Variants in INKA2 observed in about 807,000 individuals in gnomAD.
The protein encoded by INKA2 is inka box actin regulator 2, also known as PAK4-inhibitor INKA2.
In INKA2, 3 loss-of-function variants were observed where a neutral mutation model predicts 9.8. The ratio of observed to expected loss-of-function variants is 0.31; its 90% CI spans 0.14 to 0.79. The LOEUF (loss-of-function observed/expected upper bound fraction) is 0.79, where lower values mean the gene tolerates loss of function less well. Ranked by LOEUF, INKA2 falls within the 30% of genes least tolerant of loss-of-function variation. The pLI, the probability that INKA2 is intolerant of heterozygous loss-of-function variation, is 0.62. For synonymous variants in INKA2, 147 were observed against 143.3 expected (o/e 1.03, Z -0.18); for missense variants, 392 against 384.4 (o/e 1.02, Z -0.17).
chr1:111,752,098 C>T (rs1340015975), intron 1 of INKA2, among the ~76,000 whole-genome samples: 1 of 152,198 alleles, frequency 6.6e-6, no homozygotes, highest in Non-Finnish European at 1.5e-5. Context: ...CTTCCTCCTT[C>T]CTGCTGGCTG....
rs1258844703 is a variant in INKA2 at position 111,726,462 on chromosome 1, CCCTGTG to C, written c.*500_*505del. On this transcript the variant is annotated 3_prime_UTR_variant, in exon 2 of 2. Transcript: ENST00000357260. ...AGTCCCAGGAGGCCTGGGGTTCAGT[CCCTGTG>C]CCTGGAGCAATGTCTTGCCAAAGAA... The C allele has an allele frequency of 4.8e-6, 1 of 206,728 alleles. No individual in the cohort carries two copies. Among genetic ancestry groups the C allele is most frequent in the Non-Finnish European group, 9.6e-6 (1 of 103,948 alleles). The allele number at this position is 206,728 out of a possible 1,614,324, so 12.8% of individuals were successfully genotyped here. A position where few individuals can be genotyped will look rare whatever the true frequency, so the allele number is the denominator to read the frequency against.
In INKA2 at chr1:111,723,227, G is replaced by A. The variant is rs1662688119; in HGVS notation, c.*3741C>T. On this transcript the variant is annotated 3_prime_UTR_variant, in exon 2 of 2. Transcript: ENST00000357260. ...AACGATGGTGTGACTTGGGAAAGAT[G>A]GAGGAGCCTCTCCCCAACAAGGCCC... 1.0e-5 allele frequency: 6 copies of A among 600,568 alleles called. No individual in the cohort carries two copies. Among genetic ancestry groups the A allele is most frequent in the Non-Finnish European group, 1.5e-5 (5 of 336,444 alleles). The allele number at this position is 600,568 out of a possible 1,614,324, so 37.2% of individuals were successfully genotyped here.
chr1:111,732,752 G>A (rs1037425248), intron 1 of INKA2, among the ~76,000 whole-genome samples: 5 of 152,052 alleles, frequency 3.3e-5, no homozygotes, highest in South Asian at 2.1e-4. Flanking sequence ...CACCCTCAGC[G>A]TCTCTGGAAG....
At chr1:111,755,672 C>T (rs1663525626) in intron 1 of INKA2, 1 of 1,613,026 alleles carries the variant, frequency 6.2e-7, no homozygotes, top group Non-Finnish European at 8.5e-7. Flanking sequence ...GCCCGCGGCG[C>T]CCTCTGCAGG....
intron 1 of INKA2, chr1:111,754,029 G>C (rs1663466879): frequency 6.6e-6 from 1 of 152,256 alleles, no homozygotes; most frequent in African/African-American, 2.4e-5. Flanking sequence ...ACTCTGGCCA[G>C]AGAAACCATT....
intron 1 of INKA2, among the ~76,000 whole-genome samples, chr1:111,753,499 A>G (rs1307322673): frequency 6.6e-6 from 1 of 152,248 alleles, no homozygotes; most frequent in East Asian, 1.9e-4. Context: ...CATTACTGCA[A>G]TATTTGTGTC....
In INKA2 at chr1:111,727,507, AG is replaced by A. The variant is rs1310656298; in HGVS notation, c.354del (p.Leu119CysfsTer27). On this transcript the variant is annotated frameshift_variant, in exon 2 of 2. Coordinates refer to ENST00000357260, the MANE Select transcript of INKA2 (RefSeq NM_019099.5). LOFTEE classifies it low-confidence loss of function (END_TRUNC). Reference protein sequence around the residue: ...HRSVCGRDLAPLPRTQPHQSC... With the variant: ...HRSVCGRDLAXLPRTQPHQSC... ...CTTTGATGTGGCTGTGTCCTGGGCAAGGGGGCTAAATCCCTTCCACAGACAC... is the reference window on the plus strand; with the variant it reads ...CTTTGATGTGGCTGTGTCCTGGGCAAGGGGCTAAATCCCTTCCACAGACAC... 1.9e-6 allele frequency: 3 copies of A among 1,614,080 alleles called. No individual in the cohort carries two copies. Among genetic ancestry groups the A allele is most frequent in the Non-Finnish European group, 2.5e-6 (3 of 1,180,048 alleles).
Position 111,727,136 on chromosome 1 carries a change from G to C in INKA2, c.726C>G (p.Thr242=). The C allele has an allele frequency of 1.2e-6, 2 of 1,614,202 alleles. No individual in the cohort carries two copies. The highest frequency in any genetic ancestry group is 1.1e-5 in the South Asian group (1 of 91,086). ...GCTTCTTGACCTTCTGTGAGCGGCCGGTTCGGGACTCAGGGACCATGGGTG... is the reference window on the plus strand; with the variant it reads ...GCTTCTTGACCTTCTGTGAGCGGCCCGTTCGGGACTCAGGGACCATGGGTG... ...WVTPMVPESR[T]GRSQKVKKRS... Residue 242 remains threonine (T), a synonymous_variant, in exon 2 of 2, where the codon ACC becomes ACG. Coordinates refer to ENST00000357260, the MANE Select transcript of INKA2 (RefSeq NM_019099.5).
rs1198196764 is a variant in INKA2 at position 111,725,383 on chromosome 1, A to G, written c.*1585T>C. ...CCAGCCAGTGAGTGTTCCCTACTGG[A>G]GTGGGAGGGACAGTGGCTTCCCAGG... On this transcript the variant is annotated 3_prime_UTR_variant, in exon 2 of 2. Transcript: ENST00000357260. 1 of 152,082 alleles carries G rather than the reference A, an allele frequency of 6.6e-6. No individual in the cohort carries two copies. The highest frequency in any genetic ancestry group is 1.5e-5 in the Non-Finnish European group (1 of 68,044). 9.4% of individuals were successfully genotyped at this position (152,082 alleles called of 1,614,324 possible).
rs1279893978 is a variant in INKA2 at position 111,722,572 on chromosome 1, G to C, written c.*4396C>G. ...GGTCCTTAGGCAGTGGGGTCCTCAA[G>C]CACCTTTTCTCCAAGCTCAGCCTTT... On this transcript the variant is annotated 3_prime_UTR_variant, in exon 2 of 2. Transcript: ENST00000357260. 1 of 154,122 alleles carries C rather than the reference G, an allele frequency of 6.5e-6. No homozygotes were observed. Among genetic ancestry groups the C allele is most frequent in the East Asian group, 1.9e-4 (1 of 5,216 alleles). The allele number at this position is 154,122 out of a possible 1,614,324, so 9.5% of individuals were successfully genotyped here.
intron 1 of INKA2, among the ~76,000 whole-genome samples, chr1:111,752,724 C>T (rs956521839): frequency 5.3e-5 from 8 of 151,496 alleles, no homozygotes; most frequent in Non-Finnish European, 7.4e-5. Flanking sequence ...GACGGAGTCT[C>T]GCTCTGTTGC....
At position 111,726,863 on chromosome 1, in the gene INKA2, G is replaced by A; in HGVS notation, c.*105C>T. On this transcript the variant is annotated 3_prime_UTR_variant, in exon 2 of 2. Transcript: ENST00000357260. ...CCCGCTTTCTGGGGGAAAGGAACTT[G>A]GAGTTGGGCTTTCGAGAGCCATACC... 8.8e-7 allele frequency: 1 copy of A among 1,136,058 alleles called. No homozygotes were observed. The highest frequency in any genetic ancestry group is 1.3e-6 in the Non-Finnish European group (1 of 788,194). The allele number at this position is 1,136,058 out of a possible 1,614,324, so 70.4% of individuals were successfully genotyped here.
chr1:111,746,106 T>A (rs1364311280), intron 1 of INKA2: 7 of 152,210 alleles, frequency 4.6e-5, no homozygotes, highest in Non-Finnish European at 1.5e-5. Flanking sequence ...ACCTTGGGCA[T>A]GCTAAACATT....
rs536507393 is a variant in INKA2 at position 111,732,176 on chromosome 1, G to T, written c.58-4372C>A. On this transcript the variant is annotated intron_variant, in intron 1 of 1. Transcript: ENST00000357260. ...CAGCCTTTCCAGACTGACCCCAGGG[G>T]ATGCCATCACCCAAGGAAGAAGAGT... is the stretch of plus-strand genomic sequence containing the variant. 1.1e-4 allele frequency among the ~76,000 whole-genome samples: 17 copies of T among 152,342 alleles called. No individual in the cohort carries two copies. The South Asian group carries it at 3.5e-3, about 32-fold the overall frequency.
rs1326998004 is a variant in INKA2, at chr1:111,726,155, A to G, written c.*813T>C. The G allele has an allele frequency of 7.5e-6, 3 of 398,436 alleles. No homozygotes were observed. The highest frequency in any genetic ancestry group is 1.3e-5 in the Non-Finnish European group (3 of 225,962). The allele number at this position is 398,436 out of a possible 1,614,324, so 24.7% of individuals were successfully genotyped here. A position where few individuals can be genotyped will look rare whatever the true frequency, so the allele number is the denominator to read the frequency against. On this transcript the variant is annotated 3_prime_UTR_variant, in exon 2 of 2. Transcript: ENST00000357260. ...CTGCAGTTGTTCCTGGACATGTAGC[A>G]TATCTAGGCTTGTTTCCTTATCTGG...
chr1:111,733,962 C>A (rs1397199620), intron 1 of INKA2, among the ~76,000 whole-genome samples: 3 of 152,194 alleles, frequency 2.0e-5, no homozygotes, highest in Admixed American at 6.5e-5. Flanking sequence ...CTCACAAGAT[C>A]CCCACAAAGT....
At chr1:111,732,631 A>G (rs1441443761) in intron 1 of INKA2, among the ~76,000 whole-genome samples, 4 of 151,478 alleles carry the variant, frequency 2.6e-5, no homozygotes, top group Non-Finnish European at 5.9e-5. Flanking sequence ...TCAAAGGTAA[A>G]ACCCTTAATA....
chr1:111,754,017 A>G (rs1663466658), intron 1 of INKA2: 1 of 152,252 alleles, frequency 6.6e-6, no homozygotes, highest in South Asian at 2.1e-4. Flanking sequence ...GATAGAGAAG[A>G]AACTCTGGCC....
rs1230358614 is a variant in INKA2, at chr1:111,727,624, C to G, written c.238G>C (p.Glu80Gln). 1 of 1,608,554 alleles carries G rather than the reference C, an allele frequency of 6.2e-7. No homozygotes were observed. ...GGCCTGGCAGGACCTCTGCCACCCT[C>G]CCAACAAGGGTGCTCGCACTGGGTC... ...PRTQCEHPCWEGGRGPARPTV... is the reference protein window; with the variant it reads ...PRTQCEHPCWQGGRGPARPTV... Residue 80 changes from glutamate to glutamine, a missense_variant, in exon 2 of 2, where the codon GAG (glutamate) becomes CAG (glutamine). Physicochemically the swap from Glu to Gln is conservative, Grantham distance 29 (BLOSUM62 2). Transcript: ENST00000357260.
Sources: gnomAD v4.1 joint callset for allele counts (sites outside exome capture counted in the v4.1 genomes callset) on GRCh38, gnomAD v4.1.1 for gene constraint, MANE v1.5 for transcripts, NCBI Gene and HGNC (gene_info 2026-07-23, HGNC 2026-07-21) for gene names.